ARHGEF10: variants seen among roughly 807,000 people sequenced by gnomAD.
The protein encoded by ARHGEF10 is Rho guanine nucleotide exchange factor (GEF) 10.
ARHGEF10 carries 140 observed loss-of-function variants against 147.4 expected under a neutral mutation model. The ratio of observed to expected loss-of-function variants is 0.95; its 90% CI spans 0.83 to 1.09. The LOEUF (loss-of-function observed/expected upper bound fraction) is 1.09. Among genes scored for constraint, ARHGEF10 ranks in the 50% least tolerant of loss-of-function variants. The pLI is 0.00. For missense variants in ARHGEF10, 2,222 were observed against 1,752.7 expected, an observed-to-expected ratio of 1.27 and a Z score of -4.78; for synonymous variants, 902 against 695.8, an observed-to-expected ratio of 1.30 and a Z score of -4.67.
At chr8:1,840,728 C>A (rs916800083) in intron 1 of ARHGEF10, among the ~76,000 whole-genome samples, 2 of 152,150 alleles carry the variant, frequency 1.3e-5, no homozygotes, top group Admixed American at 1.3e-4. Flanking sequence ...TCCCTACATT[C>A]ACTGTTGTGG....
At position 1,946,471 on chromosome 8, in the gene ARHGEF10, G is replaced by A. The variant is rs147984839; in HGVS notation, c.3397+816G>A. Among the ~76,000 whole-genome samples the A allele has an allele frequency of 4.4e-3, 665 of 152,338 alleles. 4 individuals carry two copies. The highest frequency in any genetic ancestry group is 6.5e-3 in the Non-Finnish European group (445 of 68,024). ...GCAGGGCCGGTTTCTGGGAGGATCT[G>A]CTTCCTGCTTTGCAGTTGGTGCCTT... On this transcript the variant is annotated intron_variant, in intron 27 of 28. Transcript: ENST00000349830.
intron 18 of ARHGEF10, among the ~76,000 whole-genome samples, chr8:1,920,158 T>A (rs1245073240): frequency 6.8e-6 from 1 of 147,812 alleles, no homozygotes; most frequent in Non-Finnish European, 1.5e-5. Context: ...TCCCTCAGGC[T>A]TACTGCGGAG....
intron 2 of ARHGEF10, among the ~76,000 whole-genome samples, chr8:1,855,372 G>T (rs1805469997): frequency 6.6e-6 from 1 of 151,778 alleles, no homozygotes; most frequent in Non-Finnish European, 1.5e-5. Flanking sequence ...TTTTGGGGTG[G>T]TCAGAACAGA....
At chr8:1,927,715 C>G (rs1027968696) in intron 23 of ARHGEF10, among the ~76,000 whole-genome samples, 16 of 152,148 alleles carry the variant, frequency 1.1e-4, no homozygotes, top group African/African-American at 3.9e-4. Context: ...GAGTTTGAGA[C>G]CAGCCTGGCC....
At chr8:1,875,253 C>CT (rs1563213594) in intron 7 of ARHGEF10, among the ~76,000 whole-genome samples, 22 of 143,356 alleles carry the variant, frequency 1.5e-4, no homozygotes, top group African/African-American at 5.7e-4. Context: ...CACACCAGGG[C>CT]GTGTAGGGGG....
Position 1,952,787 on chromosome 8 carries a change from C to T in ARHGEF10, c.3480C>T (p.Ala1160=), listed in dbSNP as rs758370696. ...MVGTSLGVLV[A]LPVPRLQGIP... is the part of the protein sequence containing the mutation. ...GCACCAGCCTGGGAGTCCTCGTGGC[C>T]CTGCCGGTCCCACGTCTGCAAGGGA... is the stretch of plus-strand genomic sequence containing the variant. Residue 1160 remains alanine (A), a synonymous_variant, in exon 28 of 29, where the codon GCC becomes GCT. Coordinates refer to ENST00000349830, the MANE Select transcript of ARHGEF10 (RefSeq NM_014629.4). The T allele has an allele frequency of 3.6e-5, 58 of 1,613,698 alleles. No individual in the cohort carries two copies. In the East Asian group the frequency reaches 4.0e-4, roughly 11 times the overall value.
intron 12 of ARHGEF10, 111 bp downstream of exon 12, chr8:1,893,757 A>C: frequency 1.2e-6 from 1 of 864,828 alleles, no homozygotes; most frequent in East Asian, 2.6e-5. Flanking sequence ...ATAACATGCA[A>C]ATTTGCAAAA....
chr8:1,916,597 TC>T (rs1811778141), intron 18 of ARHGEF10, among the ~76,000 whole-genome samples: 1 of 152,192 alleles, frequency 6.6e-6, no homozygotes, highest in African/African-American at 2.4e-5. Flanking sequence ...CCGTAACGTG[TC>T]CAGAACCACA....
chr8:1,922,547 C>T (rs532219521), intron 18 of ARHGEF10, among the ~76,000 whole-genome samples: 2 of 152,062 alleles, frequency 1.3e-5, no homozygotes, highest in Admixed American at 6.6e-5. Context: ...ATTTCAGGGA[C>T]GTGACCACCG....
At chr8:1,840,872 T>G in intron 1 of ARHGEF10, among the ~76,000 whole-genome samples, 1 of 151,890 alleles carries the variant, frequency 6.6e-6, no homozygotes, top group Non-Finnish European at 1.5e-5. Context: ...GCTGCTGGGG[T>G]GGAGAGGGTG....
chr8:1,898,617 C>A, intron 15 of ARHGEF10, 92 bp downstream of exon 15: 2 of 1,313,724 alleles, frequency 1.5e-6, no homozygotes, highest in Non-Finnish European at 2.2e-6. Context: ...TTTGGAATGG[C>A]TGCCCCTCGG....
At chr8:1,895,907 G>T (rs1809933695) in intron 13 of ARHGEF10, among the ~76,000 whole-genome samples, 1 of 151,946 alleles carries the variant, frequency 6.6e-6, no homozygotes, top group Non-Finnish European at 1.5e-5. Context: ...CCCGCCCCCA[G>T]CCCCCATTTC....
intron 25 of ARHGEF10, among the ~76,000 whole-genome samples, chr8:1,930,812 G>A (rs939133736): frequency 1.6e-4 from 25 of 152,086 alleles, no homozygotes; most frequent in Non-Finnish European, 3.2e-4. Flanking sequence ...AAGAAGGCCT[G>A]GACTTCTTTC....
chr8:1,947,338 G>A (rs924322481), intron 27 of ARHGEF10, among the ~76,000 whole-genome samples: 14 of 152,138 alleles, frequency 9.2e-5, no homozygotes, highest in African/African-American at 3.4e-4. Context: ...CCGGGGCGAA[G>A]CAGCCCACGG....
chr8:1,833,019 G>A, intron 1 of ARHGEF10, among the ~76,000 whole-genome samples: 1 of 61,918 alleles, frequency 1.6e-5, no homozygotes. Flanking sequence ...GAGAGACAGA[G>A]GCAGAGACAG....
chr8:1,840,721 C>T (rs1354479090), intron 1 of ARHGEF10, among the ~76,000 whole-genome samples: 1 of 152,138 alleles, frequency 6.6e-6, no homozygotes, highest in Non-Finnish European at 1.5e-5. Flanking sequence ...GCGTCATTCC[C>T]TACATTCACT....
Position 1,945,522 on chromosome 8 carries a change from C to A in ARHGEF10, c.3264C>A (p.Ser1088=). ...ACCAGGAGGAAGGCATGGTGATCTCCCACATGGCCGTGTCCGGCGTCGGGA... is the reference window on the plus strand; with the variant it reads ...ACCAGGAGGAAGGCATGGTGATCTCACACATGGCCGTGTCCGGCGTCGGGA... The part of the protein sequence containing the change: ...EAHQEEGMVI[S]HMAVSGVGIW... The change falls in exon 27 of 29, where the codon TCC becomes TCA. Residue 1088 remains serine, a synonymous_variant. Coordinates refer to ENST00000349830, the MANE Select transcript of ARHGEF10 (RefSeq NM_014629.4). 1 of 1,613,258 alleles carries A rather than the reference C, an allele frequency of 6.2e-7. No homozygotes were observed. Among genetic ancestry groups the A allele is most frequent in the Non-Finnish European group, 8.5e-7 (1 of 1,179,616 alleles).
At chr8:1,939,990 T>C (rs923761375) in intron 26 of ARHGEF10, among the ~76,000 whole-genome samples, 1 of 152,188 alleles carries the variant, frequency 6.6e-6, no homozygotes, top group African/African-American at 2.4e-5. Context: ...CAAAATTTGT[T>C]TTCAGAAGAG....
At chr8:1,915,897 G>A (rs1270755795) in intron 18 of ARHGEF10, among the ~76,000 whole-genome samples, 3 of 152,262 alleles carry the variant, frequency 2.0e-5, no homozygotes, top group African/African-American at 7.2e-5. Flanking sequence ...GAACTTAGAC[G>A]CCGATGCATC....
Sources: allele counts gnomAD v4.1 joint callset (sites outside exome capture counted in the v4.1 genomes callset), GRCh38; gene constraint gnomAD v4.1.1; transcripts MANE v1.5; gene names NCBI Gene and HGNC (gene_info 2026-07-23, HGNC 2026-07-21).